The following NRG2 variants were observed in gnomAD, a reference collection of about 807,000 sequenced individuals.
NRG2 encodes the protein neuregulin 2.
Under a neutral mutation model 73.9 loss-of-function variants are expected in NRG2, and 27 were observed. The ratio of observed to expected loss-of-function variants is 0.37; its 90% CI spans 0.27 to 0.50. NRG2 has a LOEUF of 0.50. NRG2 is among the 20% of genes least tolerant of loss of function. The pLI, the probability that NRG2 is intolerant of heterozygous loss-of-function variation, is 0.96. For synonymous variants in NRG2, 532 were observed against 541.0 expected, an observed-to-expected ratio of 0.98 and a Z score of 0.23; for missense variants, 1,126 against 1,210.1, an observed-to-expected ratio of 0.93 and a Z score of 1.03.
At chr5:139,893,360 G>A (rs1488600396) in intron 1 of NRG2, among the ~76,000 whole-genome samples, 1 of 152,174 alleles carries the variant, frequency 6.6e-6, no homozygotes, top group Non-Finnish European at 1.5e-5. Flanking sequence ...CAGTCCTGGG[G>A]GTTCATGCAT....
intron 1 of NRG2, among the ~76,000 whole-genome samples, chr5:140,006,461 A>T (rs1021201393): frequency 2.6e-5 from 4 of 152,242 alleles, no homozygotes; most frequent in Non-Finnish European, 1.5e-5. Context: ...TAACCTAAGG[A>T]TATCAGAGAT....
chr5:139,926,734 A>G (rs569714591), intron 1 of NRG2, among the ~76,000 whole-genome samples: 27 of 152,274 alleles, frequency 1.8e-4, no homozygotes, highest in African/African-American at 6.0e-4. Flanking sequence ...ATGTTCATCT[A>G]TCAGTTCATC....
chr5:139,865,371 A>G lies in NRG2; in HGVS notation c.1189+178T>C, dbSNP rs1422979790. Among the ~76,000 whole-genome samples, 1 of 152,090 alleles carries G rather than the reference A, an allele frequency of 6.6e-6. No homozygotes were observed. Among genetic ancestry groups the G allele is most frequent in the African/African-American group, 2.4e-5 (1 of 41,450 alleles). On this transcript the variant is annotated intron_variant, in intron 5 of 9. Transcript: ENST00000361474. This position sits in a 1 kb window ranked among gnomAD's most constrained non-coding sequence, Gnocchi z 5.2. ...ATTAGGCCAAAAATGAAAACAAAGC[A>G]AAACAAAACAAAACAAAAAGAACTA... is the stretch of plus-strand genomic sequence containing the variant.
At chr5:140,027,306 G>T (rs1341784223) in intron 1 of NRG2, among the ~76,000 whole-genome samples, 1 of 152,142 alleles carries the variant, frequency 6.6e-6, no homozygotes, top group African/African-American at 2.4e-5. Context: ...TTAAGAATGT[G>T]CCCCACAGAT....
At position 139,953,743 on chromosome 5, in the gene NRG2, C is replaced by T. The variant is rs577565265; in HGVS notation, c.701-66232G>A. On this transcript the variant is annotated intron_variant, in intron 1 of 9. Transcript: ENST00000361474. ...TGTTCATCGTAGGAGGGCCCCAGCCCGGGAGATGCTGAGAGGGAGAAGGAA... is the reference window on the plus strand; with the variant it reads ...TGTTCATCGTAGGAGGGCCCCAGCCTGGGAGATGCTGAGAGGGAGAAGGAA... Among the ~76,000 whole-genome samples, 20 of 152,146 alleles carry T rather than the reference C, an allele frequency of 1.3e-4. No homozygotes were observed. In the South Asian group the frequency reaches 2.7e-3, roughly 21 times the overall value.
chr5:140,011,685 C>T (rs1759378431), intron 1 of NRG2, among the ~76,000 whole-genome samples: 1 of 152,188 alleles, frequency 6.6e-6, no homozygotes, highest in Admixed American at 6.5e-5. Context: ...TGAAAGACCA[C>T]TGTTGAGCCT....
At chr5:139,850,250 G>A (rs981475128) in intron 9 of NRG2, among the ~76,000 whole-genome samples, 3 of 152,230 alleles carry the variant, frequency 2.0e-5, no homozygotes, top group African/African-American at 7.2e-5. Flanking sequence ...CTTGAACCAT[G>A]CATAGTAGCT....
At chr5:139,891,025 TC>T (rs1232596171) in intron 1 of NRG2, among the ~76,000 whole-genome samples, 1 of 152,154 alleles carries the variant, frequency 6.6e-6, no homozygotes, top group Non-Finnish European at 1.5e-5. Flanking sequence ...TGCTAAAGTT[TC>T]CCCTTACCTC....
Position 139,865,873 on chromosome 5 carries a change from G to A in NRG2, c.1113-248C>T. Among the ~76,000 whole-genome samples, 1 of 152,126 alleles carries A rather than the reference G, an allele frequency of 6.6e-6. No individual in the cohort carries two copies. The highest frequency in any genetic ancestry group is 1.9e-4 in the East Asian group (1 of 5,192). Reference sequence around the variant, plus strand: ...GTGGGTCAGGGGGAGGATGATTTAGGTAAGTGGGGTGAGGGAAGATGGGAA... The same window carrying A: ...GTGGGTCAGGGGGAGGATGATTTAGATAAGTGGGGTGAGGGAAGATGGGAA... On this transcript the variant is annotated intron_variant, in intron 4 of 9. Coordinates refer to ENST00000361474, the MANE Select transcript of NRG2 (RefSeq NM_004883.3). This position sits in a 1 kb window ranked among gnomAD's most constrained non-coding sequence, Gnocchi z 5.2.
chr5:140,012,505 T>A (rs1759441755), intron 1 of NRG2, among the ~76,000 whole-genome samples: 1 of 152,216 alleles, frequency 6.6e-6, no homozygotes, highest in South Asian at 2.1e-4. Context: ...AGTCGTCTTG[T>A]GCTCCACCTC....
chr5:139,974,580 T>G (rs1399259167), intron 1 of NRG2, among the ~76,000 whole-genome samples: 1 of 152,134 alleles, frequency 6.6e-6, no homozygotes, highest in Non-Finnish European at 1.5e-5. Flanking sequence ...CAGTCATAAT[T>G]TTTTAAAAAA....
chr5:139,848,337 G>A lies in NRG2; in HGVS notation c.2133C>T (p.Asp711=). The A allele has an allele frequency of 1.6e-6, 2 of 1,212,302 alleles. No individual in the cohort carries two copies. Among genetic ancestry groups the A allele is most frequent in the Non-Finnish European group, 2.0e-6 (2 of 977,814 alleles). The allele number at this position is 1,212,302 out of a possible 1,614,324, so 75.1% of individuals were successfully genotyped here. Residue 711 remains aspartate (D), a synonymous_variant, in exon 10 of 10, where the codon GAC becomes GAT. Coordinates refer to ENST00000361474, the MANE Select transcript of NRG2 (RefSeq NM_004883.3). ...CGCACTCCTGCGTGGTCTCGTACTC[G>A]TCGTCCTCGGGGATGCGGAAGGGGC... ...PASPFRIPED[D]EYETTQECAP...
At chr5:139,910,376 C>T (rs1418244241) in intron 1 of NRG2, among the ~76,000 whole-genome samples, 1 of 152,182 alleles carries the variant, frequency 6.6e-6, no homozygotes, top group Admixed American at 6.5e-5. Context: ...ACACATTCCT[C>T]GTTAAGTGAA....
At chr5:139,979,529 T>C (rs1020004505) in intron 1 of NRG2, among the ~76,000 whole-genome samples, 6 of 152,220 alleles carry the variant, frequency 3.9e-5, no homozygotes, top group Admixed American at 6.5e-5. Context: ...GTTGGACTTA[T>C]TGATGTGCTG....
In NRG2 at chr5:140,008,181, T is replaced by C. The variant is rs1327010478; in HGVS notation, c.700+34189A>G. On this transcript the variant is annotated intron_variant, in intron 1 of 9. Coordinates refer to ENST00000361474, the MANE Select transcript of NRG2 (RefSeq NM_004883.3). The surrounding 1 kb of genome is among the most constrained non-coding windows in gnomAD (Gnocchi z 4.2). ...CCACTGAGGGTAAGTGCAGAGTCTATGCAGAAGATGCATGGGGAAATCAAA... is the reference window on the plus strand; with the variant it reads ...CCACTGAGGGTAAGTGCAGAGTCTACGCAGAAGATGCATGGGGAAATCAAA... Among the ~76,000 whole-genome samples, 1 of 152,206 alleles carries C rather than the reference T, an allele frequency of 6.6e-6. No individual in the cohort carries two copies. The highest frequency in any genetic ancestry group is 1.5e-5 in the Non-Finnish European group (1 of 68,026).
chr5:139,912,949 G>C (rs1750952196), intron 1 of NRG2, among the ~76,000 whole-genome samples: 1 of 152,088 alleles, frequency 6.6e-6, no homozygotes, highest in Non-Finnish European at 1.5e-5. Context: ...CCAGCTCTAG[G>C]ACCTTTGTTC....
chr5:139,963,977 C>T (rs980528777), intron 1 of NRG2, among the ~76,000 whole-genome samples: 28 of 151,960 alleles, frequency 1.8e-4, no homozygotes, highest in African/African-American at 6.8e-4. Flanking sequence ...ATTTCCAAGC[C>T]AGGAAAAAAG....
intron 3 of NRG2, among the ~76,000 whole-genome samples, chr5:139,874,119 A>G (rs774808547): frequency 2.0e-5 from 3 of 152,226 alleles, no homozygotes; most frequent in Non-Finnish European, 4.4e-5. Context: ...TGGCAAAGCC[A>G]TACTCCAGGG....
intron 9 of NRG2, among the ~76,000 whole-genome samples, chr5:139,849,865 C>T (rs1328555213): frequency 1.3e-5 from 2 of 152,222 alleles, no homozygotes; most frequent in East Asian, 3.8e-4. Flanking sequence ...CTCCTTCACT[C>T]TATGCAGTTC....
Sources: allele counts gnomAD v4.1 joint callset (sites outside exome capture counted in the v4.1 genomes callset), GRCh38; gene constraint gnomAD v4.1.1; non-coding constraint Gnocchi (gnomAD v3.1); transcripts MANE v1.5; gene names NCBI Gene and HGNC (gene_info 2026-07-23, HGNC 2026-07-21).